The following PIK3C2G variants were observed in gnomAD, a reference collection of about 807,000 sequenced individuals.
The protein encoded by PIK3C2G is phosphatidylinositol 3-kinase C2 domain-containing subunit gamma.
A neutral mutation model predicts 181.1 loss-of-function variants in PIK3C2G; 168 were observed. That is an observed-to-expected ratio of 0.93 (90% CI 0.82 to 1.05). The LOEUF is 1.05. Among genes scored for constraint, PIK3C2G ranks in the 50% least tolerant of loss-of-function variants. The pLI is 0.00. For synonymous variants in PIK3C2G, 573 were observed against 592.2 expected, an observed-to-expected ratio of 0.97 and a Z score of 0.47; for missense variants, 1,869 against 1,732.8, an observed-to-expected ratio of 1.08 and a Z score of -1.40.
the PIK3C2G span, chr12:18,699,969 A>C: frequency 6.3e-7 from 1 of 1,599,926 alleles, no homozygotes; most frequent in South Asian, 1.1e-5. Flanking sequence ...AAAATGCAGT[A>C]ATTTTACATT....
the PIK3C2G span, among the ~76,000 whole-genome samples, chr12:18,710,776 T>C: frequency 6.6e-6 from 1 of 151,950 alleles, no homozygotes; most frequent in Non-Finnish European, 1.5e-5. Flanking sequence ...AAAAAACACA[T>C]GAAAAAATGC....
intron 30 of PIK3C2G, among the ~76,000 whole-genome samples, chr12:18,602,953 A>G (rs1048561498): frequency 3.9e-5 from 6 of 152,162 alleles, no homozygotes; most frequent in African/African-American, 1.4e-4. Flanking sequence ...GGTAATATGA[A>G]AAAACAAGGC....
intron 18 of PIK3C2G, among the ~76,000 whole-genome samples, chr12:18,448,054 A>C (rs2135868913): frequency 6.6e-6 from 1 of 152,284 alleles, no homozygotes; most frequent in East Asian, 1.9e-4. Context: ...ATGTAAACTA[A>C]GGTCCTAAAA....
chr12:18,582,558 A>C (rs1375945281), intron 29 of PIK3C2G, among the ~76,000 whole-genome samples: 2 of 152,140 alleles, frequency 1.3e-5, no homozygotes, highest in Non-Finnish European at 2.9e-5. Flanking sequence ...TTAGACTCCT[A>C]TACATACACC....
intron 30 of PIK3C2G, among the ~76,000 whole-genome samples, chr12:18,595,357 G>C (rs1474008760): frequency 6.6e-6 from 1 of 152,022 alleles, no homozygotes; most frequent in Non-Finnish European, 1.5e-5. Flanking sequence ...AATCATTCGA[G>C]TGTATTAAAG....
chr12:18,621,048 T>C (rs1048399541), intron 31 of PIK3C2G, among the ~76,000 whole-genome samples: 1 of 152,042 alleles, frequency 6.6e-6, no homozygotes, highest in Non-Finnish European at 1.5e-5. Context: ...ATGAACTTAA[T>C]CTTCCAGTAT....
chr12:18,547,897 CT>C, intron 26 of PIK3C2G, among the ~76,000 whole-genome samples: 1 of 151,946 alleles, frequency 6.6e-6, no homozygotes, highest in East Asian at 2.0e-4. Context: ...ATCAGGAACT[CT>C]ACAGTTATCT....
chr12:18,548,085 T>A (rs189456114), intron 26 of PIK3C2G, among the ~76,000 whole-genome samples: 3 of 152,088 alleles, frequency 2.0e-5, no homozygotes, highest in East Asian at 1.9e-4. Context: ...CAAAACTCCA[T>A]CCCATGCAGG....
chr12:18,519,323 A>C (rs1377798130), intron 24 of PIK3C2G, among the ~76,000 whole-genome samples: 1 of 152,178 alleles, frequency 6.6e-6, no homozygotes, highest in Non-Finnish European at 1.5e-5. Flanking sequence ...GTGGGATGTT[A>C]AAGTATCCCA....
At chr12:18,456,287 G>A (rs1415078340) in intron 18 of PIK3C2G, among the ~76,000 whole-genome samples, 3 of 152,116 alleles carry the variant, frequency 2.0e-5, no homozygotes, top group Non-Finnish European at 4.4e-5. Flanking sequence ...ACACAAGGGA[G>A]TTTAAGAGGG....
chr12:18,381,871 G>A lies in PIK3C2G; in HGVS notation c.1986G>A (p.Val662=). 1 of 1,598,222 alleles carries A rather than the reference G, an allele frequency of 6.3e-7. No homozygotes were observed. The highest frequency in any genetic ancestry group is 8.6e-7 in the Non-Finnish European group (1 of 1,165,604). The change falls in exon 14 of 33, where the codon GTG becomes GTA. Residue 662 remains valine, a synonymous_variant. Coordinates refer to ENST00000538779, the MANE Select transcript of PIK3C2G (RefSeq NM_001288772.2). Reference sequence around the variant, plus strand: ...GGGATGTAAGTCAGCCATCCCCGGTGACCCTGCAGGTAAGTGCCAGGCTAA... The same window carrying A: ...GGGATGTAAGTCAGCCATCCCCGGTAACCCTGCAGGTAAGTGCCAGGCTAA... ...GVWDVSQPSP[V]TLQIDFPATG... is the part of the protein sequence containing the mutation.
intron 18 of PIK3C2G, among the ~76,000 whole-genome samples, chr12:18,428,113 T>C (rs759891114): frequency 2.1e-4 from 32 of 151,906 alleles, no homozygotes; most frequent in Admixed American, 3.3e-4. Context: ...TTAAAACAAA[T>C]AAAAATTAAG....
At chr12:18,643,960 T>C (rs1023783982) in intron 32 of PIK3C2G, among the ~76,000 whole-genome samples, 2 of 152,162 alleles carry the variant, frequency 1.3e-5, no homozygotes, top group South Asian at 4.1e-4. Flanking sequence ...AAAGAAGATA[T>C]TACACTGCAT....
Position 18,645,858 on chromosome 12 carries a change from T to C in PIK3C2G, c.4309-2018T>C, listed in dbSNP as rs1461280787. Among the ~76,000 whole-genome samples the C allele has an allele frequency of 3.3e-5, 5 of 152,096 alleles. No individual in the cohort carries two copies. The East Asian group carries it at 9.6e-4, about 29-fold the overall frequency. On this transcript the variant is annotated intron_variant, in intron 32 of 32. Coordinates refer to ENST00000538779, the MANE Select transcript of PIK3C2G (RefSeq NM_001288772.2). ...TGACTTATTCATGCAATTCACAGAG[T>C]CCTTAGCCAGACTTCCCCATTTTTC...
At chr12:18,604,822 G>A (rs1334392637) in intron 30 of PIK3C2G, among the ~76,000 whole-genome samples, 1 of 152,050 alleles carries the variant, frequency 6.6e-6, no homozygotes, top group African/African-American at 2.4e-5. Flanking sequence ...AACCAAGATG[G>A]AAATTAAAAA....
intron 18 of PIK3C2G, among the ~76,000 whole-genome samples, chr12:18,429,428 G>C (rs574842239): frequency 6.6e-6 from 1 of 152,210 alleles, no homozygotes; most frequent in South Asian, 2.1e-4. Context: ...TGAAGGCTCT[G>C]AGTCAATTGC....
At chr12:18,630,516 T>A (rs1949304717) in intron 31 of PIK3C2G, among the ~76,000 whole-genome samples, 1 of 151,940 alleles carries the variant, frequency 6.6e-6, no homozygotes, top group South Asian at 2.1e-4. Flanking sequence ...GAAAGAAGGG[T>A]CTAGGATGGG....
intron 9 of PIK3C2G, among the ~76,000 whole-genome samples, chr12:18,340,469 TA>T (rs1939028289): frequency 6.6e-6 from 1 of 152,182 alleles, no homozygotes; most frequent in Non-Finnish European, 1.5e-5. Flanking sequence ...GATGAGCTTA[TA>T]AACTTGGCAA....
intron 24 of PIK3C2G, among the ~76,000 whole-genome samples, chr12:18,537,902 T>A (rs1565487173): frequency 6.6e-6 from 1 of 152,000 alleles, no homozygotes; most frequent in Non-Finnish European, 1.5e-5. Flanking sequence ...CCAAATGTAA[T>A]TTAGAATTAA....
Sources: allele counts gnomAD v4.1 joint callset (sites outside exome capture counted in the v4.1 genomes callset), GRCh38; gene constraint gnomAD v4.1.1; transcripts MANE v1.5; gene names NCBI Gene and HGNC (gene_info 2026-07-23, HGNC 2026-07-21).